Variants in HNF4A observed in about 807,000 individuals in gnomAD.
HNF4A encodes the protein hepatocyte nuclear factor 4 alpha.
In HNF4A, 15 loss-of-function variants were observed where a neutral mutation model predicts 52.4. That is an observed-to-expected ratio of 0.29 (90% confidence interval 0.19 to 0.44). HNF4A has a LOEUF of 0.44. HNF4A is among the 20% of genes least tolerant of loss of function. The pLI is 1.00. For synonymous variants in HNF4A, 280 were observed against 264.4 expected (o/e 1.06, Z -0.57); for missense variants, 479 against 647.2 (o/e 0.74, Z 2.82).
At chr20:44,366,721 TG>T (rs2062973739) in intron 1 of HNF4A, among the ~76,000 whole-genome samples, 2 of 152,242 alleles carry the variant, frequency 1.3e-5, no homozygotes, top group African/African-American at 2.4e-5. Flanking sequence ...TAAATCTTTG[TG>T]CATTTATTGT....
chr20:44,362,344 C>T (rs988266999), intron 1 of HNF4A, among the ~76,000 whole-genome samples: 1 of 148,642 alleles, frequency 6.7e-6, no homozygotes. Context: ...CACTTGAACG[C>T]AGGTGGTGGA....
At chr20:44,374,054 G>A (rs2063060292) in intron 1 of HNF4A, among the ~76,000 whole-genome samples, 1 of 152,166 alleles carries the variant, frequency 6.6e-6, no homozygotes, top group African/African-American at 2.4e-5. Flanking sequence ...GGTATATTGT[G>A]TGACACTGAA....
At chr20:44,419,659 A>T (rs2063716159) in intron 6 of HNF4A, 62 bp from the exon 7 acceptor site, 1 of 1,557,358 alleles carries the variant, frequency 6.4e-7, no homozygotes, top group Non-Finnish European at 8.8e-7. Flanking sequence ...AAAAGCCAAA[A>T]CTAGAGGAGA....
intron 1 of HNF4A, 104 bp from the exon 2 acceptor site, chr20:44,405,953 CA>C: frequency 9.1e-7 from 1 of 1,103,318 alleles, no homozygotes; most frequent in East Asian, 2.3e-5. Context: ...GAACAGCCCC[CA>C]GATCTGGCTG....
intron 1 of HNF4A, among the ~76,000 whole-genome samples, chr20:44,370,221 G>A (rs1487595564): frequency 6.6e-6 from 1 of 152,078 alleles, no homozygotes; most frequent in Non-Finnish European, 1.5e-5. Flanking sequence ...TAGAGACGGG[G>A]TTTCACCGTG....
chr20:44,429,831 C>G lies in HNF4A; in HGVS notation c.*166C>G. ...AACATGGCCTAAGGGCCACATCCCACTGCCACCCTTGACGCCCTGCTCTGG... is the reference window on the plus strand; with the variant it reads ...AACATGGCCTAAGGGCCACATCCCAGTGCCACCCTTGACGCCCTGCTCTGG... On this transcript the variant is annotated 3_prime_UTR_variant, in exon 10 of 10. Transcript: ENST00000316099. 1.5e-6 allele frequency: 1 copy of G among 689,432 alleles called. No homozygotes were observed. The highest frequency in any genetic ancestry group is 2.5e-6 in the Non-Finnish European group (1 of 407,366). 42.7% of individuals were successfully genotyped at this position (689,432 alleles called of 1,614,324 possible).
intron 1 of HNF4A, chr20:44,402,627 A>T: frequency 7.3e-7 from 1 of 1,363,056 alleles, no homozygotes; most frequent in Non-Finnish European, 9.8e-7. Flanking sequence ...GGAGGGGTGG[A>T]CAGTTCTCCA....
intron 8 of HNF4A, chr20:44,424,469 C>T: frequency 1.0e-6 from 1 of 995,352 alleles, no homozygotes; most frequent in Non-Finnish European, 1.5e-6. Flanking sequence ...ACGTGCCAGT[C>T]ACTGTTCTAA....
In HNF4A at chr20:44,414,887, C is replaced by T. The variant is rs547701097; in HGVS notation, c.648+225C>T. Reference sequence around the variant, plus strand: ...AGGTACTAAGGTACTATTATTACTGCCATCTCATAGGTGAGGAGATTGGGG... The same window carrying T: ...AGGTACTAAGGTACTATTATTACTGTCATCTCATAGGTGAGGAGATTGGGG... On this transcript the variant is annotated intron_variant, in intron 5 of 9. Transcript: ENST00000316099. Among the ~76,000 whole-genome samples the T allele has an allele frequency of 2.0e-5, 3 of 152,356 alleles. No homozygotes were observed. In the South Asian group the frequency reaches 6.2e-4, roughly 32 times the overall value.
At position 44,386,386 on chromosome 20, in the gene HNF4A, C is replaced by T. The variant is rs1363384112; in HGVS notation, c.50-19672C>T. ...CTCACCATGTTTGGCAGGCTGGTCT[C>T]GAACTCCTGAACTCAAGTGGTCCAC... On this transcript the variant is annotated intron_variant, in intron 1 of 9. Transcript: ENST00000316673. 4.6e-5 allele frequency among the ~76,000 whole-genome samples: 7 copies of T among 151,488 alleles called. 1 individual carries two copies. The highest frequency in any genetic ancestry group is 6.5e-3 in the Middle Eastern group (2 of 306).
At chr20:44,366,792 T>C (rs1318477417) in intron 1 of HNF4A, among the ~76,000 whole-genome samples, 2 of 152,100 alleles carry the variant, frequency 1.3e-5, no homozygotes, top group African/African-American at 4.8e-5. Context: ...CTTTTAAAAA[T>C]TAAGGTATAT....
At chr20:44,401,504 G>A (rs761488506) in intron 1 of HNF4A, 1 of 1,614,090 alleles carries the variant, frequency 6.2e-7, no homozygotes, top group South Asian at 1.1e-5. Context: ...GGGGGCAGAT[G>A]TGCCCAGGTG....
At chr20:44,401,155 GC>G (rs1417410569), upstream of HNF4A, 1 of 1,415,308 alleles carries the variant, frequency 7.1e-7, no homozygotes, top group East Asian at 2.5e-5. Context: ...CTATCCACCG[GC>G]GGGGGACCGA....
intron 1 of HNF4A, among the ~76,000 whole-genome samples, chr20:44,370,083 G>A (rs2063016449): frequency 6.6e-6 from 1 of 152,056 alleles, no homozygotes; most frequent in Admixed American, 6.6e-5. Context: ...CTGGAGTGCG[G>A]TGGCGCGATC....
intron 3 of HNF4A, among the ~76,000 whole-genome samples, chr20:44,407,720 C>G (rs1010439215): frequency 1.3e-5 from 2 of 151,840 alleles, no homozygotes; most frequent in African/African-American, 4.9e-5. Flanking sequence ...AACCACCACC[C>G]CTGCCTGCCT....
intron 7 of HNF4A, 34 bp downstream of exon 7, chr20:44,419,910 C>G (rs1306662959): frequency 1.9e-6 from 3 of 1,609,040 alleles, no homozygotes; most frequent in South Asian, 2.2e-5. Context: ...ATCCCTGACT[C>G]TCTCTCCAGA....
intron 1 of HNF4A, among the ~76,000 whole-genome samples, chr20:44,367,717 C>G (rs1441640481): frequency 6.6e-6 from 1 of 151,706 alleles, no homozygotes; most frequent in Admixed American, 6.6e-5. Flanking sequence ...GAGGCTGAGG[C>G]AAGAGGCTCA....
chr20:44,368,673 G>T (rs145137207), intron 1 of HNF4A, among the ~76,000 whole-genome samples: 2 of 152,136 alleles, frequency 1.3e-5, no homozygotes, highest in Admixed American at 6.6e-5. Flanking sequence ...ATGTTAGTAT[G>T]TATTGTTAAT....
chr20:44,369,043 C>A (rs1469317606), intron 1 of HNF4A, among the ~76,000 whole-genome samples: 5 of 150,068 alleles, frequency 3.3e-5, no homozygotes, highest in Non-Finnish European at 7.4e-5. Context: ...GTCAGGAGTT[C>A]GAGACCAGCC....
Sources: allele counts gnomAD v4.1 joint callset (sites outside exome capture counted in the v4.1 genomes callset), GRCh38; gene constraint gnomAD v4.1.1; transcripts MANE v1.5; gene names NCBI Gene and HGNC (gene_info 2026-07-23, HGNC 2026-07-21).